The following SLC8A3 variants were observed in gnomAD, a reference collection of about 807,000 sequenced individuals.
SLC8A3 encodes sodium/calcium exchanger 3.
Under a neutral mutation model 65.4 loss-of-function variants are expected in SLC8A3, and 37 were observed. That is an observed-to-expected ratio of 0.57 (90% CI 0.44 to 0.74). The LOEUF (loss-of-function observed/expected upper bound fraction) is 0.74, where lower values mean the gene tolerates loss of function less well. SLC8A3 is among the 30% of genes least tolerant of loss of function. SLC8A3 has a pLI of 0.00. For missense variants in SLC8A3, 1,112 were observed against 1,172.1 expected, an observed-to-expected ratio of 0.95 and a Z score of 0.75; for synonymous variants, 461 against 444.5, an observed-to-expected ratio of 1.04 and a Z score of -0.47.
Position 70,079,736 on chromosome 14 carries a change from A to G in SLC8A3, c.1785-18797T>C, listed in dbSNP as rs564826095. Among the ~76,000 whole-genome samples, 810 of 152,212 alleles carry G rather than the reference A, an allele frequency of 5.3e-3. 2 individuals carry two copies. Among genetic ancestry groups the G allele is most frequent in the Non-Finnish European group, 9.5e-3 (645 of 68,026 alleles). ...CTTGAGAAACACAGGTGCTGCTTAG[A>G]TAGAAGCCTTATATTTGGCCCAGTC... On this transcript the variant is annotated intron_variant, in intron 2 of 6. Coordinates refer to ENST00000356921, the MANE Select transcript of SLC8A3 (RefSeq NM_182932.3).
At chr14:70,086,339 T>G (rs1214076085) in intron 2 of SLC8A3, among the ~76,000 whole-genome samples, 1 of 151,948 alleles carries the variant, frequency 6.6e-6, no homozygotes, top group Non-Finnish European at 1.5e-5. Flanking sequence ...AAAGCCTTCC[T>G]TTGTTTAAAA....
chr14:70,157,747 C>G (rs1896658663), intron 2 of SLC8A3, among the ~76,000 whole-genome samples: 1 of 152,222 alleles, frequency 6.6e-6, no homozygotes, highest in Admixed American at 6.5e-5. Context: ...GTGCTGCATC[C>G]TTACAATTAA....
intron 2 of SLC8A3, among the ~76,000 whole-genome samples, chr14:70,081,260 TA>T (rs1223856609): frequency 6.6e-6 from 1 of 152,188 alleles, no homozygotes; most frequent in Admixed American, 6.5e-5. Context: ...GGTATAATTG[TA>T]AAAGTGCCAA....
At chr14:70,116,239 A>T (rs971670983) in intron 2 of SLC8A3, among the ~76,000 whole-genome samples, 2 of 152,104 alleles carry the variant, frequency 1.3e-5, no homozygotes, top group South Asian at 4.1e-4. Context: ...AAAAATACTA[A>T]TAATTGTCTG....
intron 2 of SLC8A3, among the ~76,000 whole-genome samples, chr14:70,146,118 A>G (rs1895911853): frequency 6.6e-6 from 1 of 152,178 alleles, no homozygotes; most frequent in African/African-American, 2.4e-5. Flanking sequence ...GGCAGGGGAA[A>G]TGAAGGAAAA....
intron 2 of SLC8A3, among the ~76,000 whole-genome samples, chr14:70,121,593 T>C (rs996228156): frequency 6.6e-6 from 1 of 152,176 alleles, no homozygotes; most frequent in African/African-American, 2.4e-5. Context: ...GCAAAACTAG[T>C]CATGTAGTCA....
At chr14:70,172,831 G>C (rs975203037) in intron 1 of SLC8A3, among the ~76,000 whole-genome samples, 1 of 152,192 alleles carries the variant, frequency 6.6e-6, no homozygotes, top group South Asian at 2.1e-4. Flanking sequence ...GCCAGCCTGG[G>C]GATTCAGGGA....
At position 70,168,494 on chromosome 14, in the gene SLC8A3, A is replaced by G; in HGVS notation, c.-62-10T>C. The stretch of plus-strand genomic sequence containing the variant: ...CTGATAGGCCAGAGACCTAGAAAAG[A>G]TCAGAGAGGCAGGAAAAGGCATGAG... On this transcript the variant is annotated splice_polypyrimidine_tract_variant and intron_variant, in intron 1 of 6. Coordinates refer to ENST00000356921, the MANE Select transcript of SLC8A3 (RefSeq NM_182932.3). The G allele has an allele frequency of 1.6e-6, 2 of 1,278,352 alleles. No individual in the cohort carries two copies. The highest frequency in any genetic ancestry group is 2.5e-5 in the East Asian group (1 of 40,704). 79.2% of individuals were successfully genotyped at this position (1,278,352 alleles called of 1,614,324 possible). A position where few individuals can be genotyped will look rare whatever the true frequency, so the allele number is the denominator to read the frequency against.
At chr14:70,181,523 T>C (rs1002062086) in intron 1 of SLC8A3, among the ~76,000 whole-genome samples, 1 of 150,340 alleles carries the variant, frequency 6.7e-6, no homozygotes, top group Non-Finnish European at 1.5e-5. Context: ...AAAACAGATG[T>C]CACATTATTA....
chr14:70,059,814 C>T (rs1378945054), intron 3 of SLC8A3, among the ~76,000 whole-genome samples: 1 of 152,192 alleles, frequency 6.6e-6, no homozygotes, highest in Non-Finnish European at 1.5e-5. Flanking sequence ...CATTTAGAGT[C>T]TCTTCTGTTG....
At chr14:70,069,679 C>T (rs539774327) in intron 2 of SLC8A3, among the ~76,000 whole-genome samples, 2 of 152,318 alleles carry the variant, frequency 1.3e-5, no homozygotes, top group South Asian at 2.1e-4. Flanking sequence ...CCACCTGTCA[C>T]CAACAACCCA....
At chr14:70,127,733 AGG>A (rs1037459258) in intron 2 of SLC8A3, among the ~76,000 whole-genome samples, 1 of 152,072 alleles carries the variant, frequency 6.6e-6, no homozygotes, top group Non-Finnish European at 1.5e-5. Flanking sequence ...GCCCTTATAG[AGG>A]GGGGATTTGC....
intron 2 of SLC8A3, among the ~76,000 whole-genome samples, chr14:70,147,993 G>C (rs79782142): frequency 6.6e-6 from 1 of 152,114 alleles, no homozygotes; most frequent in African/African-American, 2.4e-5. Context: ...ACTCAGGATG[G>C]TTCGACCGAC....
At chr14:70,177,580 G>A (rs12884224) in intron 1 of SLC8A3, among the ~76,000 whole-genome samples, 40,586 of 151,978 alleles carry the variant, frequency 0.27, 5,900 homozygotes, top group East Asian at 0.58. Context: ...GGAAGACAGT[G>A]CATCTCAAAC....
rs1266113351 is a variant in SLC8A3 at position 70,188,879 on chromosome 14, G to T, written c.-563C>A. 1.3e-5 allele frequency: 2 copies of T among 152,064 alleles called. No homozygotes were observed. Among genetic ancestry groups the T allele is most frequent in the African/African-American group, 4.8e-5 (2 of 41,428 alleles). The allele number at this position is 152,064 out of a possible 1,614,324, so 9.4% of individuals were successfully genotyped here. ...CTTTCCCTGGGCTGGGAGCGCGCCG[G>T]GTCTCCGCCTTGCACGCTGTCACCG... On this transcript the variant is annotated 5_prime_UTR_variant, in exon 1 of 7. Coordinates refer to ENST00000356921, the MANE Select transcript of SLC8A3 (RefSeq NM_182932.3).
rs371931654 is a variant in SLC8A3 at position 70,060,756 on chromosome 14, T to C, written c.1888+80A>G. ...GGGAGACAAAAATATAGCTGCTTTTTCTTTTTTGTTGTTGTTTTTCAGTTT... is the reference window on the plus strand; with the variant it reads ...GGGAGACAAAAATATAGCTGCTTTTCCTTTTTTGTTGTTGTTTTTCAGTTT... On this transcript the variant is annotated intron_variant, in intron 3 of 6. Coordinates refer to ENST00000356921, the MANE Select transcript of SLC8A3 (RefSeq NM_182932.3). 311 of 854,872 alleles carry C rather than the reference T, an allele frequency of 3.6e-4. 1 individual carries two copies. The African/African-American group carries it at 4.7e-3, about 13-fold the overall frequency. 53.0% of individuals were successfully genotyped at this position (854,872 alleles called of 1,614,324 possible). A position where few individuals can be genotyped will look rare whatever the true frequency, so the allele number is the denominator to read the frequency against.
At chr14:70,134,358 G>T (rs1351836290) in intron 2 of SLC8A3, among the ~76,000 whole-genome samples, 1 of 152,164 alleles carries the variant, frequency 6.6e-6, no homozygotes, top group Non-Finnish European at 1.5e-5. Context: ...GTTGACTGGG[G>T]AGGGGGATTT....
chr14:70,151,945 T>A (rs1896303057), intron 2 of SLC8A3, among the ~76,000 whole-genome samples: 1 of 152,122 alleles, frequency 6.6e-6, no homozygotes, highest in African/African-American at 2.4e-5. Context: ...TAACTATTAA[T>A]GGTTACACCT....
chr14:70,080,105 C>T (rs1890924404), intron 2 of SLC8A3: 7 of 985,570 alleles, frequency 7.1e-6, no homozygotes, highest in Non-Finnish European at 8.4e-6. Flanking sequence ...TCCTTGACCC[C>T]TTCCTTTGAC....
Sources: gnomAD v4.1 joint callset for allele counts (sites outside exome capture counted in the v4.1 genomes callset) on GRCh38, gnomAD v4.1.1 for gene constraint, MANE v1.5 for transcripts, NCBI Gene and HGNC (gene_info 2026-07-23, HGNC 2026-07-21) for gene names.